Variants in WDPCP observed in about 807,000 individuals in gnomAD.
The protein encoded by WDPCP is WD repeat containing planar cell polarity effector, also known as WD repeat-containing and planar cell polarity effector protein fritz homolog.
WDPCP carries 71 observed loss-of-function variants against 93.1 expected under a neutral mutation model. The observed-to-expected ratio is 0.76, with a 90% CI of 0.63 to 0.93. The LOEUF is 0.93. Ranked by LOEUF, WDPCP falls within the 40% of genes least tolerant of loss-of-function variation. The pLI, the probability that WDPCP is intolerant of heterozygous loss-of-function variation, is 0.00. For missense variants in WDPCP, 844 were observed against 887.4 expected (o/e 0.95, Z 0.62); for synonymous variants, 315 against 315.0 (o/e 1.00, Z 0.00).
intron 12 of WDPCP, among the ~76,000 whole-genome samples, chr2:63,335,639 A>G (rs1187803841): frequency 6.6e-6 from 1 of 152,084 alleles, no homozygotes; most frequent in Admixed American, 6.6e-5. Flanking sequence ...GAAAAATGCT[A>G]CTGTTTTTGT....
chr2:63,288,243 C>A (rs1175055713), intron 13 of WDPCP, among the ~76,000 whole-genome samples: 1 of 152,238 alleles, frequency 6.6e-6, no homozygotes, highest in Non-Finnish European at 1.5e-5. Context: ...AGAAGGCATA[C>A]TCATCCTCAT....
intron 3 of WDPCP, among the ~76,000 whole-genome samples, chr2:63,601,245 G>T (rs759046654): frequency 6.6e-6 from 1 of 152,190 alleles, no homozygotes; most frequent in Non-Finnish European, 1.5e-5. Context: ...TGTTTATCCA[G>T]TGAGAAAAAT....
intron 2 of WDPCP, among the ~76,000 whole-genome samples, chr2:63,679,042 G>A (rs999042540): frequency 3.3e-5 from 5 of 152,214 alleles, no homozygotes; most frequent in Non-Finnish European, 7.3e-5. Context: ...TACCTAAAAT[G>A]TCGTAAATTT....
chr2:63,790,419 C>T (rs1266950498), intron 2 of WDPCP, among the ~76,000 whole-genome samples: 1 of 152,146 alleles, frequency 6.6e-6, no homozygotes, highest in Non-Finnish European at 1.5e-5. Context: ...GCAGAAACTC[C>T]GTTAACTAAA....
chr2:63,484,704 C>G, intron 5 of WDPCP, 41 bp from the exon 6 acceptor site: 1 of 1,611,114 alleles, frequency 6.2e-7, no homozygotes, highest in East Asian at 2.2e-5. Context: ...GTTGGCTGTA[C>G]ACATTGTCAT....
intron 12 of WDPCP, among the ~76,000 whole-genome samples, chr2:63,322,115 G>C (rs1029496072): frequency 5.9e-5 from 9 of 152,196 alleles, no homozygotes; most frequent in Admixed American, 3.9e-4. Context: ...CTAGCTAACA[G>C]GTAGGGGGCT....
intron 9 of WDPCP, among the ~76,000 whole-genome samples, chr2:63,429,217 G>C (rs1179101691): frequency 1.3e-5 from 2 of 151,988 alleles, no homozygotes; most frequent in African/African-American, 4.8e-5. Flanking sequence ...AAACTTAAAG[G>C]TAAGACCTCA....
At position 63,563,910 on chromosome 2, in the gene WDPCP, C is replaced by G. The variant is rs561882608; in HGVS notation, c.75+24287G>C. Among the ~76,000 whole-genome samples, 32 of 152,252 alleles carry G rather than the reference C, an allele frequency of 2.1e-4. No individual in the cohort carries two copies. In the South Asian group the frequency reaches 5.8e-3, roughly 28 times the overall value. ...CCCACTCTCAGGTATTCTGTTCTAG[C>G]AACAGAAAATGGGCTAAGACAGTGG... On this transcript the variant is annotated intron_variant, in intron 1 of 17. Coordinates refer to ENST00000272321, the MANE Select transcript of WDPCP (RefSeq NM_015910.7).
intron 13 of WDPCP, among the ~76,000 whole-genome samples, chr2:63,301,053 G>A (rs1270468135): frequency 6.6e-6 from 1 of 152,176 alleles, no homozygotes. Flanking sequence ...TCTGCCCTTG[G>A]TCTAGAGAGC....
intron 1 of WDPCP, among the ~76,000 whole-genome samples, chr2:63,567,054 T>C (rs1169947665): frequency 6.6e-6 from 1 of 152,198 alleles, no homozygotes; most frequent in African/African-American, 2.4e-5. Context: ...ACAGGGCTTC[T>C]ATGCCTTCTA....
chr2:63,129,736 T>G (rs920746737), intron 17 of WDPCP, among the ~76,000 whole-genome samples: 1 of 152,228 alleles, frequency 6.6e-6, no homozygotes, highest in Non-Finnish European at 1.5e-5. Context: ...TGGGGATTGA[T>G]TCCAGGACCC....
chr2:63,586,153 A>C (rs1169069301), intron 1 of WDPCP, among the ~76,000 whole-genome samples: 1 of 152,216 alleles, frequency 6.6e-6, no homozygotes, highest in Non-Finnish European at 1.5e-5. Flanking sequence ...TGTATACTAT[A>C]AAAAAGCATA....
intron 3 of WDPCP, among the ~76,000 whole-genome samples, chr2:63,625,583 C>T (rs1709801561): frequency 6.6e-6 from 1 of 151,974 alleles, no homozygotes; most frequent in Non-Finnish European, 1.5e-5. Flanking sequence ...TCACAATTGC[C>T]ACAAAGAGAA....
rs1003007159 is a variant in WDPCP at position 63,422,508 on chromosome 2, A to G, written c.825+11237T>C. On this transcript the variant is annotated intron_variant, in intron 9 of 17. Coordinates refer to ENST00000272321, the MANE Select transcript of WDPCP (RefSeq NM_015910.7). The stretch of plus-strand genomic sequence containing the variant: ...CAGACATTTGTCCTGTTTACCCTAT[A>G]TAAGTACAACCATTGGGAAACACAT... 3.3e-5 allele frequency among the ~76,000 whole-genome samples: 5 copies of G among 152,352 alleles called. No homozygotes were observed. In the South Asian group the frequency reaches 8.3e-4, roughly 25 times the overall value.
At chr2:63,719,799 T>A (rs1027848235) in intron 2 of WDPCP, among the ~76,000 whole-genome samples, 1 of 152,146 alleles carries the variant, frequency 6.6e-6, no homozygotes, top group East Asian at 1.9e-4. Context: ...TTTTTAAAAG[T>A]TTACCATATA....
chr2:63,594,272 A>G (rs1340048678), intron 3 of WDPCP: 2 of 650,504 alleles, frequency 3.1e-6, no homozygotes, highest in South Asian at 1.4e-5. Context: ...ATGTAAGTAA[A>G]TCCAGGATAA....
chr2:63,160,919 T>C (rs1194341219), intron 15 of WDPCP, among the ~76,000 whole-genome samples: 1 of 152,186 alleles, frequency 6.6e-6, no homozygotes, highest in Non-Finnish European at 1.5e-5. Flanking sequence ...TATGCATTAC[T>C]TGGGACACAA....
chr2:63,515,249 G>C (rs895499919), intron 1 of WDPCP, among the ~76,000 whole-genome samples: 1 of 152,040 alleles, frequency 6.6e-6, no homozygotes, highest in Non-Finnish European at 1.5e-5. Flanking sequence ...TGGTAGATTT[G>C]GCACAAGCAC....
intron 2 of WDPCP, among the ~76,000 whole-genome samples, chr2:63,767,909 G>A (rs1670169769): frequency 1.3e-5 from 2 of 151,892 alleles, no homozygotes; most frequent in South Asian, 4.1e-4. Context: ...GCTTTGTTTA[G>A]CCCAAGGTTA....
Sources: allele counts gnomAD v4.1 joint callset (sites outside exome capture counted in the v4.1 genomes callset), GRCh38; gene constraint gnomAD v4.1.1; transcripts MANE v1.5; gene names NCBI Gene and HGNC (gene_info 2026-07-23, HGNC 2026-07-21).